The following DCDC1 variants were observed in gnomAD, a reference collection of about 807,000 sequenced individuals.
DCDC1 encodes the protein doublecortin domain containing 1, also known as doublecortin domain-containing protein 1.
A neutral mutation model predicts 178.3 loss-of-function variants in DCDC1; 200 were observed. The observed-to-expected ratio is 1.12, with a 90% CI of 1.00 to 1.26. The LOEUF (loss-of-function observed/expected upper bound fraction) is 1.26, where lower values mean the gene tolerates loss of function less well. Ranked by LOEUF, DCDC1 falls within the 50% of genes most tolerant of loss-of-function variation. The pLI is 0.00. For synonymous variants in DCDC1, 690 were observed against 604.8 expected (o/e 1.14, Z -2.07); for missense variants, 1,983 against 1,749.2 (o/e 1.13, Z -2.38).
intron 20 of DCDC1, among the ~76,000 whole-genome samples, chr11:30,971,032 G>A (rs1428936694): frequency 1.3e-5 from 2 of 152,026 alleles, no homozygotes; most frequent in African/African-American, 4.8e-5. Flanking sequence ...CACACACAAA[G>A]TTCCACCTGG....
chr11:31,145,361 G>A (rs1266231443), intron 9 of DCDC1, among the ~76,000 whole-genome samples: 1 of 152,222 alleles, frequency 6.6e-6, no homozygotes, highest in Non-Finnish European at 1.5e-5. Flanking sequence ...AATACTCGAA[G>A]ATAGGAACGA....
intron 17 of DCDC1, among the ~76,000 whole-genome samples, chr11:31,087,505 G>A (rs1256626403): frequency 6.6e-6 from 1 of 151,650 alleles, no homozygotes; most frequent in Admixed American, 6.6e-5. Context: ...TGAAAACCTC[G>A]GCAGTGTTTC....
intron 15 of DCDC1, among the ~76,000 whole-genome samples, chr11:31,097,053 CA>C (rs1397995627): frequency 5.9e-5 from 9 of 152,222 alleles, no homozygotes; most frequent in African/African-American, 1.9e-4. Flanking sequence ...TACTGAGAAT[CA>C]AAACAATTCT....
At chr11:31,316,411 A>G (rs1202845051) in intron 3 of DCDC1, among the ~76,000 whole-genome samples, 1 of 53,172 alleles carries the variant, frequency 1.9e-5, no homozygotes, top group Non-Finnish European at 3.2e-5. Context: ...GCCAGTGATG[A>G]TGAGCATTTC....
chr11:30,911,486 C>T (rs1343058657), intron 27 of DCDC1, 66 bp from the exon 28 acceptor site: 32 of 1,255,790 alleles, frequency 2.5e-5, no homozygotes, highest in Non-Finnish European at 3.7e-5. Context: ...CTCTGTGCCA[C>T]TTAGCACTGT....
intron 34 of DCDC1, among the ~76,000 whole-genome samples, chr11:30,897,069 C>T (rs1944282820): frequency 6.6e-6 from 1 of 152,190 alleles, no homozygotes; most frequent in Non-Finnish European, 1.5e-5. Context: ...CTCATAATCT[C>T]ACCAGCTAGA....
intron 20 of DCDC1, among the ~76,000 whole-genome samples, chr11:30,984,889 T>C (rs1950564808): frequency 6.6e-6 from 1 of 152,182 alleles, no homozygotes; most frequent in Non-Finnish European, 1.5e-5. Context: ...AAACTGGGAA[T>C]GGCACCTCAC....
chr11:30,885,703 C>A (rs1027783526), intron 36 of DCDC1, among the ~76,000 whole-genome samples: 1 of 151,996 alleles, frequency 6.6e-6, no homozygotes, highest in Non-Finnish European at 1.5e-5. Context: ...TTCATGTATA[C>A]AACAGGTGGA....
intron 9 of DCDC1, among the ~76,000 whole-genome samples, chr11:31,192,550 C>A (rs1970248537): frequency 6.6e-6 from 1 of 152,114 alleles, no homozygotes; most frequent in African/African-American, 2.4e-5. Flanking sequence ...TCATGCTTCA[C>A]AATTTAGTTT....
intron 20 of DCDC1, among the ~76,000 whole-genome samples, chr11:31,025,824 A>C (rs557468403): frequency 1.3e-5 from 2 of 151,884 alleles, no homozygotes; most frequent in South Asian, 4.1e-4. Flanking sequence ...CATTCATCTC[A>C]CAGATGAGGA....
intron 11 of DCDC1, among the ~76,000 whole-genome samples, chr11:31,112,254 C>T (rs1264188831): frequency 6.6e-6 from 1 of 151,986 alleles, no homozygotes; most frequent in African/African-American, 2.4e-5. Flanking sequence ...TATTAATATG[C>T]CTATTTTTAA....
At chr11:31,246,938 A>G (rs1022021324) in intron 8 of DCDC1, among the ~76,000 whole-genome samples, 2 of 152,074 alleles carry the variant, frequency 1.3e-5, no homozygotes, top group African/African-American at 4.8e-5. Context: ...TGACAAGCAC[A>G]TGATTGCTAT....
chr11:31,000,311 T>C (rs565178111), intron 20 of DCDC1, among the ~76,000 whole-genome samples: 31 of 152,296 alleles, frequency 2.0e-4, no homozygotes, highest in African/African-American at 7.0e-4. Context: ...TTTATTATAA[T>C]ATTTAGTCTC....
At chr11:30,921,509 T>C (rs897932422) in intron 24 of DCDC1, among the ~76,000 whole-genome samples, 2 of 152,286 alleles carry the variant, frequency 1.3e-5, no homozygotes, top group Non-Finnish European at 1.5e-5. Context: ...CATACTGCCA[T>C]CGAACGTGGA....
intron 9 of DCDC1, among the ~76,000 whole-genome samples, chr11:31,154,893 A>T (rs2136121508): frequency 6.6e-6 from 1 of 152,310 alleles, no homozygotes; most frequent in South Asian, 2.1e-4. Flanking sequence ...ATGCATTACT[A>T]TGCCCTACTA....
intron 20 of DCDC1, among the ~76,000 whole-genome samples, chr11:30,960,518 C>A (rs1949032859): frequency 6.6e-6 from 1 of 152,222 alleles, no homozygotes; most frequent in East Asian, 1.9e-4. Context: ...CACATGTGCA[C>A]AACACAAATT....
chr11:31,038,975 G>A (rs1003377309), intron 20 of DCDC1, among the ~76,000 whole-genome samples: 7 of 152,032 alleles, frequency 4.6e-5, no homozygotes, highest in Non-Finnish European at 7.4e-5. Context: ...TATGTCATAA[G>A]GTCAAATTTT....
intron 20 of DCDC1, among the ~76,000 whole-genome samples, chr11:30,985,993 C>A (rs1307827153): frequency 6.6e-6 from 1 of 152,092 alleles, no homozygotes; most frequent in Non-Finnish European, 1.5e-5. Context: ...CAGCGTCTAG[C>A]AGAAAACTCA....
chr11:30,935,798 C>T (rs1436905642), intron 21 of DCDC1, among the ~76,000 whole-genome samples: 9 of 152,140 alleles, frequency 5.9e-5, no homozygotes, highest in Admixed American at 2.0e-4. Context: ...GTGATCCGCC[C>T]GCCTCGGCCT....
Sources: allele counts gnomAD v4.1 joint callset (sites outside exome capture counted in the v4.1 genomes callset), GRCh38; gene constraint gnomAD v4.1.1; transcripts MANE v1.5; gene names NCBI Gene and HGNC (gene_info 2026-07-23, HGNC 2026-07-21).